Variants in GRM3 observed in about 807,000 individuals in gnomAD.
GRM3 encodes the protein metabotropic glutamate receptor 3.
In GRM3, 26 loss-of-function variants were observed where a neutral mutation model predicts 70.5. The ratio of observed to expected loss-of-function variants is 0.37; its 90% CI spans 0.27 to 0.51. The LOEUF is 0.51. GRM3 is among the 20% of genes least tolerant of loss of function. The pLI, the probability that GRM3 is intolerant of heterozygous loss-of-function variation, is 0.93. For missense variants in GRM3, 859 were observed against 1,123.8 expected, an observed-to-expected ratio of 0.76 and a Z score of 3.37; for synonymous variants, 443 against 434.9, an observed-to-expected ratio of 1.02 and a Z score of -0.23.
intron 1 of GRM3, among the ~76,000 whole-genome samples, chr7:86,679,735 G>C (rs1329154618): frequency 6.6e-6 from 1 of 151,716 alleles, no homozygotes; most frequent in Admixed American, 6.6e-5. Flanking sequence ...CTTTTCTATG[G>C]GTCCTTTTTC....
Position 86,723,956 on chromosome 7 carries a change from T to C in GRM3, c.-140-41050T>C, listed in dbSNP as rs140834254. ...TTCAAATAACATGTGTTTACAATTA[T>C]AGATAAGCACTGCAGGCTCATTAAC... On this transcript the variant is annotated intron_variant, in intron 1 of 5. Coordinates refer to ENST00000361669, the MANE Select transcript of GRM3 (RefSeq NM_000840.3). 6.1e-3 allele frequency among the ~76,000 whole-genome samples: 926 copies of C among 152,300 alleles called. 8 individuals are homozygous for C. Among genetic ancestry groups the C allele is most frequent in the African/African-American group, 0.021 (873 of 41,576 alleles).
At chr7:86,720,662 G>T (rs1435465924) in intron 1 of GRM3, among the ~76,000 whole-genome samples, 2 of 152,032 alleles carry the variant, frequency 1.3e-5, no homozygotes, top group African/African-American at 2.4e-5. Flanking sequence ...TTTTCATTCT[G>T]CCAGAGAGCC....
At chr7:86,662,896 G>A (rs1047898916) in intron 1 of GRM3, among the ~76,000 whole-genome samples, 1 of 150,748 alleles carries the variant, frequency 6.6e-6, no homozygotes, top group Non-Finnish European at 1.5e-5. Context: ...TCTCCATTTA[G>A]ATTTTTTTTT....
At chr7:86,739,994 G>A (rs868256219) in intron 1 of GRM3, among the ~76,000 whole-genome samples, 61 of 152,212 alleles carry the variant, frequency 4.0e-4, no homozygotes, top group African/African-American at 1.2e-3. Context: ...TAAGATGTGC[G>A]TGCTAAAATT....
chr7:86,770,919 G>C (rs75075885), intron 2 of GRM3, among the ~76,000 whole-genome samples: 5,593 of 152,064 alleles, frequency 0.037, 328 homozygotes, highest in African/African-American at 0.13. Context: ...CCTGTACATG[G>C]TAAGATGTTT....
At chr7:86,849,565 A>G (rs1798720497) in intron 4 of GRM3, among the ~76,000 whole-genome samples, 1 of 152,108 alleles carries the variant, frequency 6.6e-6, no homozygotes, top group South Asian at 2.1e-4. Flanking sequence ...GCCTAAAGTC[A>G]TTTAGGACAT....
intron 1 of GRM3, among the ~76,000 whole-genome samples, chr7:86,737,531 G>A (rs533267570): frequency 1.3e-5 from 2 of 152,256 alleles, no homozygotes; most frequent in African/African-American, 2.4e-5. Flanking sequence ...GGAATGAAAC[G>A]TAACACAGTA....
intron 1 of GRM3, among the ~76,000 whole-genome samples, chr7:86,721,058 C>A (rs1795450176): frequency 2.0e-5 from 3 of 152,032 alleles, no homozygotes; most frequent in Admixed American, 2.0e-4. Context: ...CAAAGGGAAG[C>A]TAATACTACC....
At chr7:86,682,581 T>C (rs1459578075) in intron 1 of GRM3, among the ~76,000 whole-genome samples, 1 of 152,202 alleles carries the variant, frequency 6.6e-6, no homozygotes, top group Non-Finnish European at 1.5e-5. Flanking sequence ...TGATGAAAAT[T>C]AAGAAATAAA....
chr7:86,787,878 T>C (rs1797305372), intron 3 of GRM3, among the ~76,000 whole-genome samples: 1 of 152,248 alleles, frequency 6.6e-6, no homozygotes, highest in Non-Finnish European at 1.5e-5. Flanking sequence ...TAAATATTTC[T>C]CTAACTATAG....
At chr7:86,780,186 G>A (rs147471708) in intron 2 of GRM3, among the ~76,000 whole-genome samples, 5,080 of 152,154 alleles carry the variant, frequency 0.033, 278 homozygotes, top group African/African-American at 0.12. Context: ...ATAAACATAC[G>A]TGTGCATGTG....
At chr7:86,768,325 A>C (rs1483167505) in intron 2 of GRM3, among the ~76,000 whole-genome samples, 3 of 152,200 alleles carry the variant, frequency 2.0e-5, no homozygotes, top group Admixed American at 2.0e-4. Flanking sequence ...CTGGTGCCCA[A>C]GCAGTCCCAT....
intron 3 of GRM3, among the ~76,000 whole-genome samples, chr7:86,793,937 C>G (rs1797487130): frequency 6.6e-6 from 1 of 151,888 alleles, no homozygotes; most frequent in South Asian, 2.1e-4. Context: ...TGGATCATAC[C>G]ACCTTGCTAG....
chr7:86,709,154 C>A (rs1260160830), intron 1 of GRM3, among the ~76,000 whole-genome samples: 1 of 151,998 alleles, frequency 6.6e-6, no homozygotes, highest in Non-Finnish European at 1.5e-5. Context: ...GGGTTTGGCC[C>A]TGAACTCAAA....
intron 1 of GRM3, among the ~76,000 whole-genome samples, chr7:86,725,315 T>C (rs898899590): frequency 3.3e-5 from 5 of 152,110 alleles, no homozygotes; most frequent in African/African-American, 1.2e-4. Context: ...ATCACCTCAA[T>C]CTGAATGGTG....
intron 1 of GRM3, among the ~76,000 whole-genome samples, chr7:86,753,278 C>A (rs967431297): frequency 6.6e-6 from 1 of 152,046 alleles, no homozygotes; most frequent in African/African-American, 2.4e-5. Context: ...TGTTTTGTTT[C>A]ATTTAATCCT....
At chr7:86,656,462 T>C (rs1438934327) in intron 1 of GRM3, among the ~76,000 whole-genome samples, 3 of 151,902 alleles carry the variant, frequency 2.0e-5, no homozygotes, top group African/African-American at 4.8e-5. Context: ...AGAGATGGAG[T>C]TTCACCATGT....
chr7:86,844,366 T>C (rs1327542603), intron 4 of GRM3, among the ~76,000 whole-genome samples: 2 of 152,128 alleles, frequency 1.3e-5, no homozygotes, highest in Non-Finnish European at 2.9e-5. Context: ...AACAAAAATA[T>C]CTTAGAAAAG....
intron 1 of GRM3, among the ~76,000 whole-genome samples, chr7:86,713,894 G>A (rs368761509): frequency 7.9e-5 from 12 of 151,924 alleles, no homozygotes; most frequent in African/African-American, 2.4e-4. Context: ...TACTGGGTTC[G>A]GAGCTCTATG....
Sources: allele counts gnomAD v4.1 joint callset (sites outside exome capture counted in the v4.1 genomes callset), GRCh38; gene constraint gnomAD v4.1.1; transcripts MANE v1.5; gene names NCBI Gene and HGNC (gene_info 2026-07-23, HGNC 2026-07-21).